CATSPER4: variants seen among roughly 807,000 people sequenced by gnomAD.
CATSPER4 encodes cation channel sperm-associated protein 4.
A neutral mutation model predicts 54.4 loss-of-function variants in CATSPER4; 46 were observed. The observed-to-expected ratio is 0.84, with a 90% confidence interval of 0.67 to 1.08. CATSPER4 has a LOEUF of 1.08. Among genes scored for constraint, CATSPER4 ranks in the 50% least tolerant of loss-of-function variants. The pLI, the probability that CATSPER4 is intolerant of heterozygous loss-of-function variation, is 0.00. For missense variants in CATSPER4, 574 were observed against 612.8 expected (o/e 0.94, Z 0.67); for synonymous variants, 230 against 231.9 (o/e 0.99, Z 0.08).
In CATSPER4 at chr1:26,198,325, G is replaced by C; in HGVS notation, c.718G>C (p.Val240Leu). 1 of 1,614,134 alleles carries C rather than the reference G, an allele frequency of 6.2e-7. No homozygotes were observed. Among genetic ancestry groups the C allele is most frequent in the African/African-American group, 1.3e-5 (1 of 74,994 alleles). ...TGGAGTAACACTCTTTGGTGCATTCGTGCCCAAGCATTTCCAGAACATACA... is the reference window on the plus strand; with the variant it reads ...TGGAGTAACACTCTTTGGTGCATTCCTGCCCAAGCATTTCCAGAACATACA... ...VFGVTLFGAF[V>L]PKHFQNIQVA... is the part of the protein sequence containing the mutation. The change falls in exon 6 of 10, where the codon GTG becomes CTG. Residue 240 changes from valine (V) to leucine (L), a missense_variant. Physicochemically the swap from Val to Leu is conservative, Grantham distance 32. Coordinates refer to ENST00000456354, the MANE Select transcript of CATSPER4 (RefSeq NM_198137.2).
At position 26,198,357 on chromosome 1, in the gene CATSPER4, G is replaced by A. The variant is rs144724969; in HGVS notation, c.750G>A (p.Ala250=). The A allele has an allele frequency of 1.3e-4, 216 of 1,614,042 alleles. No homozygotes were observed. Among genetic ancestry groups the A allele is most frequent in the Non-Finnish European group, 1.7e-4 (201 of 1,180,042 alleles). Residue 250 remains alanine, a synonymous_variant, in exon 6 of 10, where the codon GCG becomes GCA. Transcript: ENST00000456354. ...VPKHFQNIQV[A]LYTLFICITQ... ...AGCATTTCCAGAACATACAGGTTGC[G>A]CTGTACACCCTCTTCATCTGCATCA... is the stretch of plus-strand genomic sequence containing the variant.
At chr1:26,194,956 G>T (rs767984084) in intron 3 of CATSPER4, among the ~76,000 whole-genome samples, 1 of 152,060 alleles carries the variant, frequency 6.6e-6, no homozygotes, top group South Asian at 2.1e-4. Context: ...GTGGTGGCGC[G>T]TGCCTGTAAT....
intron 3 of CATSPER4, among the ~76,000 whole-genome samples, chr1:26,195,894 T>C (rs1374250786): frequency 6.6e-6 from 1 of 152,182 alleles, no homozygotes; most frequent in Non-Finnish European, 1.5e-5. Context: ...ATACCTCCCA[T>C]TAGGTCCCAC....
intron 4 of CATSPER4, 38 bp from the exon 5 acceptor site, chr1:26,197,919 G>C: frequency 6.2e-7 from 1 of 1,611,730 alleles, no homozygotes; most frequent in Non-Finnish European, 8.5e-7. Context: ...AAGGGGCTGG[G>C]AAGGGCCTAG....
At chr1:26,198,880 C>T (rs1427185849) in intron 6 of CATSPER4, among the ~76,000 whole-genome samples, 1 of 152,202 alleles carries the variant, frequency 6.6e-6, no homozygotes, top group African/African-American at 2.4e-5. Flanking sequence ...AGCCCTATTT[C>T]TTTCCAGTTT....
At chr1:26,201,312 C>T (rs780379222) in intron 8 of CATSPER4, 42 bp from the exon 9 acceptor site, 2 of 1,606,170 alleles carry the variant, frequency 1.2e-6, no homozygotes, top group East Asian at 2.2e-5. Context: ...CTGCTTCCCT[C>T]CCCTGAGGCC....
chr1:26,194,302 C>T (rs528768354), intron 3 of CATSPER4, among the ~76,000 whole-genome samples: 2 of 152,350 alleles, frequency 1.3e-5, no homozygotes, highest in African/African-American at 4.8e-5. Flanking sequence ...CAAAAGCAAC[C>T]ATGGACCACA....
intron 9 of CATSPER4, 102 bp downstream of exon 9, chr1:26,201,621 C>A: frequency 8.9e-7 from 1 of 1,125,540 alleles, no homozygotes. Context: ...CTGTCTATTC[C>A]AAGATCTGGT....
At position 26,197,206 on chromosome 1, in the gene CATSPER4, C is replaced by T. The variant is rs560800298; in HGVS notation, c.460-480C>T. On this transcript the variant is annotated intron_variant, in intron 3 of 9. Transcript: ENST00000456354. ...CAGGTGTGAGCCATCGCGCCTGGCC[C>T]GCCTGTCTCCCTTTCTTGTGCCGTG... 3.3e-5 allele frequency among the ~76,000 whole-genome samples: 5 copies of T among 152,152 alleles called. No homozygotes were observed. The East Asian group carries it at 9.6e-4, about 29-fold the overall frequency.
chr1:26,193,943 G>A, intron 3 of CATSPER4, 55 bp downstream of exon 3: 1 of 1,160,736 alleles, frequency 8.6e-7, no homozygotes, highest in Non-Finnish European at 1.3e-6. Context: ...ACACCACCCA[G>A]TCTGCCCCTG....
rs565859766 is a variant in CATSPER4 at position 26,200,362 on chromosome 1, C to A, written c.987+304C>A. Among the ~76,000 whole-genome samples the A allele has an allele frequency of 4.6e-5, 7 of 152,238 alleles. No individual in the cohort carries two copies. In the South Asian group the frequency reaches 1.5e-3, roughly 32 times the overall value. On this transcript the variant is annotated intron_variant, in intron 7 of 9. Transcript: ENST00000456354. The stretch of plus-strand genomic sequence containing the variant: ...TTGTAAAATGGGAATAATAATAGTA[C>A]TTAACTCATAGGGTTATTTTATGAG...
chr1:26,201,099 T>C, intron 8 of CATSPER4, 58 bp downstream of exon 8: 4 of 1,403,788 alleles, frequency 2.8e-6, no homozygotes, highest in Non-Finnish European at 4.0e-6. Context: ...GGGCGGAGCG[T>C]CAGAGTCTTC....
At chr1:26,193,923 T>G (rs770196485) in intron 3 of CATSPER4, 35 bp downstream of exon 3, 1 of 1,418,828 alleles carries the variant, frequency 7.0e-7, no homozygotes, top group Non-Finnish European at 1.0e-6. Context: ...TACTTCCCCC[T>G]GGGGACTGCA....
rs1314554349 is a variant in CATSPER4, at chr1:26,190,857, C to T, written c.213+17C>T. On this transcript the variant is annotated intron_variant, in intron 1 of 9. Transcript: ENST00000456354. ...AACAAAGCGGTAAGGATAGCTCTCG[C>T]CCCACAGTGGCCCCTTCTGCAGCTG... 1.3e-6 allele frequency: 2 copies of T among 1,586,180 alleles called. No homozygotes were observed. Among genetic ancestry groups the T allele is most frequent in the African/African-American group, 1.3e-5 (1 of 74,444 alleles).
intron 6 of CATSPER4, among the ~76,000 whole-genome samples, chr1:26,199,128 C>A (rs1441273021): frequency 1.3e-5 from 2 of 151,994 alleles, no homozygotes; most frequent in East Asian, 1.9e-4. Context: ...ACAGTGAAAC[C>A]CCATCTCTAC....
chr1:26,201,681 CTTT>C, intron 9 of CATSPER4, 162 bp downstream of exon 9: 2 of 598,002 alleles, frequency 3.3e-6, no homozygotes, highest in Middle Eastern at 3.6e-4. Context: ...CTTTTTCTTT[CTTT>C]CTTTCCTTTT....
chr1:26,202,794 A>C lies in CATSPER4; in HGVS notation c.*252A>C. 2 of 565,456 alleles carry C rather than the reference A, an allele frequency of 3.5e-6. No individual in the cohort carries two copies. The allele number at this position is 565,456 out of a possible 1,614,324, so 35.0% of individuals were successfully genotyped here. A position where few individuals can be genotyped will look rare whatever the true frequency, so the allele number is the denominator to read the frequency against. Reference sequence around the variant, plus strand: ...CCCTAGCAGCAAGGATGAGCACAGAAGGGGGTGCTGGCCAACGCAGCCAGG... The same window carrying C: ...CCCTAGCAGCAAGGATGAGCACAGACGGGGGTGCTGGCCAACGCAGCCAGG... On this transcript the variant is annotated 3_prime_UTR_variant, in exon 10 of 10. Coordinates refer to ENST00000456354, the MANE Select transcript of CATSPER4 (RefSeq NM_198137.2).
chr1:26,195,233 T>C lies in CATSPER4; in HGVS notation c.459+1345T>C, dbSNP rs1201253779. Among the ~76,000 whole-genome samples, 3 of 152,244 alleles carry C rather than the reference T, an allele frequency of 2.0e-5. No homozygotes were observed. In the East Asian group the frequency reaches 5.8e-4, roughly 29 times the overall value. On this transcript the variant is annotated intron_variant, in intron 3 of 9. Coordinates refer to ENST00000456354, the MANE Select transcript of CATSPER4 (RefSeq NM_198137.2). ...TTTCTAGGTAATGTTTTTATATTTA[T>C]AGTCTCTTTTTTATTGTCTTTGTCC...
Position 26,193,812 on chromosome 1 carries a change from T to C in CATSPER4, c.383T>C (p.Ile128Thr), listed in dbSNP as rs759925509. 8.7e-6 allele frequency: 14 copies of C among 1,613,766 alleles called. No individual in the cohort carries two copies. Among genetic ancestry groups the C allele is most frequent in the East Asian group, 4.5e-5 (2 of 44,906 alleles). The stretch of plus-strand genomic sequence containing the variant: ...AAACACTATGAGTTGTTCTCTACCA[T>C]AGATGACATTGTGCTGACCATCCTT... ...DQKHYELFST[I>T]DDIVLTILLC... The change falls in exon 3 of 10, where the codon ATA becomes ACA. Residue 128 changes from isoleucine (I) to threonine (T), a missense_variant. Transcript: ENST00000456354.
Sources: allele counts gnomAD v4.1 joint callset (sites outside exome capture counted in the v4.1 genomes callset), GRCh38; gene constraint gnomAD v4.1.1; transcripts MANE v1.5; gene names NCBI Gene and HGNC (gene_info 2026-07-23, HGNC 2026-07-21).